The following PHF24 variants were observed in gnomAD, a reference collection of about 807,000 sequenced individuals.
PHF24 encodes PHD finger protein 24, also known as Galpha inhibitory interacting protein.
In PHF24, 25 loss-of-function variants were observed where a neutral mutation model predicts 42.6. The ratio of observed to expected loss-of-function variants is 0.59; its 90% CI spans 0.43 to 0.82. The LOEUF is 0.82. PHF24 is among the 40% of genes least tolerant of loss of function. The pLI is 0.00. For missense variants in PHF24, 470 were observed against 538.1 expected (o/e 0.87, Z 1.25); for synonymous variants, 185 against 204.8 (o/e 0.90, Z 0.83).
chr9:34,781,284 C>A, the PHF24 span, among the ~76,000 whole-genome samples: 1 of 152,012 alleles, frequency 6.6e-6, no homozygotes, highest in East Asian at 1.9e-4. Context: ...AATAAAATAT[C>A]CAATCATAAA....
At chr9:34,680,246 G>A in the PHF24 span, among the ~76,000 whole-genome samples, 1 of 152,226 alleles carries the variant, frequency 6.6e-6, no homozygotes, top group Non-Finnish European at 1.5e-5. Context: ...ATGGTGGGGG[G>A]TGCCTGAAGT....
the PHF24 span, among the ~76,000 whole-genome samples, chr9:34,945,781 G>A: frequency 6.6e-6 from 1 of 152,106 alleles, no homozygotes; most frequent in Non-Finnish European, 1.5e-5. Context: ...CCAACCTTCA[G>A]AATCATGAGC....
At chr9:34,765,852 C>T in the PHF24 span, among the ~76,000 whole-genome samples, 9 of 152,022 alleles carry the variant, frequency 5.9e-5, no homozygotes, top group South Asian at 1.9e-3. Context: ...TTGTTCCTTT[C>T]CATGTTTAGT....
At chr9:34,950,383 A>G in the PHF24 span, among the ~76,000 whole-genome samples, 85 of 151,510 alleles carry the variant, frequency 5.6e-4, no homozygotes, top group South Asian at 0.013. Flanking sequence ...TTGAAATCAT[A>G]CAGAGTATGT....
At chr9:34,883,787 C>A in the PHF24 span, among the ~76,000 whole-genome samples, 2 of 152,308 alleles carry the variant, frequency 1.3e-5, no homozygotes, top group East Asian at 1.9e-4. Context: ...CTAGTTCAAC[C>A]ATTGTGGAAG....
At chr9:34,948,190 G>A in the PHF24 span, among the ~76,000 whole-genome samples, 1 of 151,768 alleles carries the variant, frequency 6.6e-6, no homozygotes, top group Non-Finnish European at 1.5e-5. Flanking sequence ...TTGTACAGCT[G>A]TACAATGTGT....
the PHF24 span, among the ~76,000 whole-genome samples, chr9:34,705,834 C>G: frequency 6.6e-6 from 1 of 151,930 alleles, no homozygotes; most frequent in Non-Finnish European, 1.5e-5. Context: ...GAGGCTGAGG[C>G]GGGTGGAGCG....
chr9:34,918,223 C>G, the PHF24 span: 1 of 1,494,410 alleles, frequency 6.7e-7, no homozygotes, highest in Admixed American at 1.7e-5. Flanking sequence ...GACCCCTTTT[C>G]GGTGACAGAA....
chr9:34,754,768 G>A, the PHF24 span, among the ~76,000 whole-genome samples: 43,967 of 152,036 alleles, frequency 0.29, 6,811 homozygotes, highest in Admixed American at 0.35. Context: ...TTATTGCAGT[G>A]CTATTCACAA....
the PHF24 span, among the ~76,000 whole-genome samples, chr9:34,703,673 G>C: frequency 9.6e-6 from 1 of 104,604 alleles, no homozygotes; most frequent in Non-Finnish European, 2.5e-5. Flanking sequence ...TGCCTATGGA[G>C]TAACCATTCT....
the PHF24 span, among the ~76,000 whole-genome samples, chr9:34,809,446 G>C: frequency 6.6e-6 from 1 of 152,180 alleles, no homozygotes; most frequent in Non-Finnish European, 1.5e-5. This position sits in a 1 kb window ranked among gnomAD's most constrained non-coding sequence, Gnocchi z 4.1. Flanking sequence ...TAGTCTGAGG[G>C]ATGAGGTTGC....
the PHF24 span, among the ~76,000 whole-genome samples, chr9:34,707,540 C>T: frequency 1.3e-5 from 2 of 152,118 alleles, no homozygotes; most frequent in South Asian, 4.1e-4. Context: ...ACACCTGCTG[C>T]CCTAGGACAG....
chr9:34,778,868 T>A, the PHF24 span, among the ~76,000 whole-genome samples: 3 of 152,012 alleles, frequency 2.0e-5, no homozygotes, highest in Admixed American at 6.5e-5. Context: ...TGCTAGGTCA[T>A]AAAAAAAGTC....
the PHF24 span, among the ~76,000 whole-genome samples, chr9:34,825,116 G>A: frequency 3.3e-5 from 5 of 152,110 alleles, no homozygotes; most frequent in South Asian, 6.2e-4. Flanking sequence ...GGTTCTTCAT[G>A]GTTTCCCGAG....
the PHF24 span, among the ~76,000 whole-genome samples, chr9:34,747,962 AAAC>A: frequency 1.3e-5 from 2 of 152,222 alleles, no homozygotes; most frequent in African/African-American, 4.8e-5. Context: ...ATGAAATGCT[AAAC>A]AACAATGAAA....
chr9:34,832,382 G>T, the PHF24 span: 1 of 985,440 alleles, frequency 1.0e-6, no homozygotes, highest in Non-Finnish European at 1.6e-6. Flanking sequence ...TTGAGGCAGA[G>T]CCAGGTTGTC....
chr9:34,936,358 C>T, the PHF24 span, among the ~76,000 whole-genome samples: 21 of 152,346 alleles, frequency 1.4e-4, no homozygotes, highest in Admixed American at 1.1e-3. Flanking sequence ...GACGGAGTCT[C>T]GTTCACTCAG....
the PHF24 span, among the ~76,000 whole-genome samples, chr9:34,841,487 T>C: frequency 6.6e-6 from 1 of 152,232 alleles, no homozygotes; most frequent in East Asian, 1.9e-4. Context: ...CTTAAATTTT[T>C]CATTTGTCTA....
chr9:34,744,660 A>G, the PHF24 span, among the ~76,000 whole-genome samples: 1 of 152,152 alleles, frequency 6.6e-6, no homozygotes. Flanking sequence ...TTGCTGAGGG[A>G]GAGAAAGGGG....
Sources: allele counts gnomAD v4.1 joint callset (sites outside exome capture counted in the v4.1 genomes callset), GRCh38; gene constraint gnomAD v4.1.1; non-coding constraint Gnocchi (gnomAD v3.1); transcripts MANE v1.5; gene names NCBI Gene and HGNC (gene_info 2026-07-23, HGNC 2026-07-21).